PLSCR2: variants seen among roughly 807,000 people sequenced by gnomAD.
PLSCR2 encodes the protein PL scramblase 2.
In PLSCR2, 18 loss-of-function variants were observed where a neutral mutation model predicts 25.3. The observed-to-expected ratio is 0.71, with a 90% CI of 0.49 to 1.06. PLSCR2 has a LOEUF of 1.06. Ranked by LOEUF, PLSCR2 falls within the 50% of genes least tolerant of loss-of-function variation. PLSCR2 has a pLI of 0.00. For missense variants in PLSCR2, 243 were observed against 269.5 expected, an observed-to-expected ratio of 0.90 and a Z score of 0.69; for synonymous variants, 88 against 87.3, an observed-to-expected ratio of 1.01 and a Z score of -0.04.
downstream of PLSCR2, among the ~76,000 whole-genome samples, chr3:146,429,695 G>A (rs1336493882): frequency 2.6e-5 from 4 of 151,722 alleles, no homozygotes; most frequent in South Asian, 4.2e-4. Flanking sequence ...GCATGATCTC[G>A]GCTCACTGCC....
chr3:146,410,680 A>G (rs6801846), intron 2 of PLSCR2, among the ~76,000 whole-genome samples: 90,535 of 152,130 alleles, frequency 0.6, 27,164 homozygotes, highest in South Asian at 0.76. Flanking sequence ...GCAAAACCTT[A>G]ACAACCACTA....
intron 2 of PLSCR2, among the ~76,000 whole-genome samples, chr3:146,425,601 A>C (rs962053678): frequency 1.3e-4 from 20 of 152,312 alleles, no homozygotes; most frequent in African/African-American, 4.1e-4. Context: ...GGCCAGGCTG[A>C]AAGGATTCTG....
At position 146,451,107 on chromosome 3, in the gene PLSCR2, CTTTTTTTTTTTTT is replaced by C. The variant is rs58373001; in HGVS notation, c.484-1753_484-1741del. On this transcript the variant is annotated intron_variant, in intron 5 of 6. Coordinates refer to ENST00000610787, the Ensembl canonical transcript of PLSCR2. ...TCATAAGAAGTATACATTAAGTTTT[CTTTTTTTTTTTTT>C]TTTTTTTTTTTGAGACGAAGTCTTG... Among the ~76,000 whole-genome samples, 82 of 79,506 alleles carry C rather than the reference CTTTTTTTTTTTTT, an allele frequency of 1.0e-3. 1 individual carries two copies. The highest frequency in any genetic ancestry group is 2.8e-3 in the Admixed American group (16 of 5,678). 52.2% of individuals were successfully genotyped at this position (79,506 alleles called of 152,430 possible). A position where few individuals can be genotyped will look rare whatever the true frequency, so the allele number is the denominator to read the frequency against.
chr3:146,468,603 A>C (rs2041969188), intron 1 of PLSCR2, among the ~76,000 whole-genome samples: 1 of 152,100 alleles, frequency 6.6e-6, no homozygotes. Flanking sequence ...AGAACTTTAC[A>C]TTAACACACA....
At chr3:146,396,323 T>G (rs2107980363) in intron 2 of PLSCR2, among the ~76,000 whole-genome samples, 1 of 152,318 alleles carries the variant, frequency 6.6e-6, no homozygotes, top group African/African-American at 2.4e-5. Flanking sequence ...CTCATTTTTT[T>G]TTCTCTCTGT....
intron 3 of PLSCR2, among the ~76,000 whole-genome samples, chr3:146,457,745 A>C (rs111782608): frequency 4.1e-4 from 63 of 152,366 alleles, no homozygotes; most frequent in African/African-American, 1.3e-3. Flanking sequence ...GAGAGAAAAG[A>C]GCTGAAGTGG....
At chr3:146,404,817 A>C (rs866907727) in intron 2 of PLSCR2, among the ~76,000 whole-genome samples, 1,438 of 133,554 alleles carry the variant, frequency 0.011, 25 homozygotes, top group South Asian at 0.026. Context: ...GGCAAAAAAA[A>C]AAAAGGGGGG....
Position 146,458,407 on chromosome 3 carries a change from A to T in PLSCR2, c.100+4T>A, listed in dbSNP as rs760317336. 8 of 1,506,002 alleles carry T rather than the reference A, an allele frequency of 5.3e-6. No individual in the cohort carries two copies. The South Asian group carries it at 9.6e-5, about 18-fold the overall frequency. 93.3% of individuals were successfully genotyped at this position (1,506,002 alleles called of 1,614,324 possible). A position where few individuals can be genotyped will look rare whatever the true frequency, so the allele number is the denominator to read the frequency against. On this transcript the variant is annotated splice_donor_region_variant and intron_variant, in intron 3 of 6. Transcript: ENST00000610787. Reference sequence around the variant, plus strand: ...GAACTATGAGCAATACAATTAATACATACCTTCCAGAAGTTCAATTTGCTG... The same window carrying T: ...GAACTATGAGCAATACAATTAATACTTACCTTCCAGAAGTTCAATTTGCTG...
intron 3 of PLSCR2, among the ~76,000 whole-genome samples, chr3:146,457,740 A>C (rs1314048459): frequency 1.3e-5 from 2 of 152,230 alleles, no homozygotes; most frequent in Non-Finnish European, 2.9e-5. Context: ...AATTGGAGAG[A>C]AAAGAGCTGA....
At chr3:146,430,984 C>G (rs2039525067), downstream of PLSCR2, among the ~76,000 whole-genome samples, 1 of 152,192 alleles carries the variant, frequency 6.6e-6, no homozygotes, top group Non-Finnish European at 1.5e-5. Context: ...AACCACCCCA[C>G]AGTGACACAG....
intron 2 of PLSCR2, among the ~76,000 whole-genome samples, chr3:146,422,890 T>G (rs2039196326): frequency 6.6e-6 from 1 of 152,016 alleles, no homozygotes; most frequent in Non-Finnish European, 1.5e-5. Flanking sequence ...AAACCTGGTA[T>G]AATAATAGGT....
Position 146,453,959 on chromosome 3 carries a change from C to G in PLSCR2, c.483+43G>C, listed in dbSNP as rs375397714. 8.6e-5 allele frequency: 127 copies of G among 1,479,358 alleles called. 3 individuals carry two copies. In the South Asian group the frequency reaches 1.1e-3, roughly 13 times the overall value. The allele number at this position is 1,479,358 out of a possible 1,614,324, so 91.6% of individuals were successfully genotyped here. ...TAATATTCTGCAAAATTATATTCTT[C>G]TATTAAAAAAGCAAATCCTATAAAC... On this transcript the variant is annotated intron_variant, in intron 5 of 6. Coordinates refer to ENST00000610787, the Ensembl canonical transcript of PLSCR2.
chr3:146,415,893 A>C (rs2038992722), intron 2 of PLSCR2, among the ~76,000 whole-genome samples: 1 of 152,298 alleles, frequency 6.6e-6, no homozygotes, highest in South Asian at 2.1e-4. Flanking sequence ...GGTTAATGTA[A>C]GTTATATTCT....
chr3:146,414,775 A>C (rs2038958694), intron 2 of PLSCR2, among the ~76,000 whole-genome samples: 1 of 152,216 alleles, frequency 6.6e-6, no homozygotes, highest in African/African-American at 2.4e-5. Context: ...TGCTTCTATT[A>C]ACAAAATTTC....
Position 146,465,572 on chromosome 3 carries a change from CA to C in PLSCR2, c.-292-5289del, listed in dbSNP as rs11459539. ...TCTCTCCCGCCACACTCACCCTCCACAAAAAAAAAAAAAAAATCACAATATA... is the reference window on the plus strand; with the variant it reads ...TCTCTCCCGCCACACTCACCCTCCACAAAAAAAAAAAAAAATCACAATATA... On this transcript the variant is annotated intron_variant, in intron 1 of 8. Coordinates refer to the PLSCR2 transcript ENST00000336685. Among the ~76,000 whole-genome samples, 919 of 125,504 alleles carry C rather than the reference CA, an allele frequency of 7.3e-3. 6 individuals carry two copies. The highest frequency in any genetic ancestry group is 0.021 in the African/African-American group (721 of 33,646). The allele number at this position is 125,504 out of a possible 152,430, so 82.3% of individuals were successfully genotyped here.
intron 1 of PLSCR2, among the ~76,000 whole-genome samples, chr3:146,490,418 G>T (rs73865744): frequency 2.6e-5 from 4 of 151,932 alleles, no homozygotes; most frequent in Non-Finnish European, 2.9e-5. Context: ...AGCATGCCTC[G>T]TAGATCTGTT....
At chr3:146,485,236 A>G (rs144966037) in intron 1 of PLSCR2, among the ~76,000 whole-genome samples, 17 of 152,314 alleles carry the variant, frequency 1.1e-4, no homozygotes, top group African/African-American at 4.1e-4. Flanking sequence ...GATGAATTCA[A>G]CAAAAAGCAC....
chr3:146,473,285 C>T lies in PLSCR2; in HGVS notation c.-292-13001G>A, dbSNP rs1020883957. 2.7e-5 allele frequency among the ~76,000 whole-genome samples: 4 copies of T among 147,892 alleles called. No homozygotes were observed. In the Admixed American group the frequency reaches 2.7e-4, roughly 10 times the overall value. ...ATCTTCACTTTTATTGTATTATAGTCCTGAAGAAAAGTACTATCTTTTTTT... is the reference window on the plus strand; with the variant it reads ...ATCTTCACTTTTATTGTATTATAGTTCTGAAGAAAAGTACTATCTTTTTTT... On this transcript the variant is annotated intron_variant, in intron 1 of 8. Coordinates refer to the PLSCR2 transcript ENST00000336685.
intron 2 of PLSCR2, among the ~76,000 whole-genome samples, chr3:146,402,070 A>G (rs767938562): frequency 6.6e-6 from 1 of 152,026 alleles, no homozygotes; most frequent in Non-Finnish European, 1.5e-5. Context: ...TTCTGTTATT[A>G]TACAAACAAA....
Sources: gnomAD v4.1 joint callset for allele counts (sites outside exome capture counted in the v4.1 genomes callset) on GRCh38, gnomAD v4.1.1 for gene constraint, MANE v1.5 for transcripts, NCBI Gene and HGNC (gene_info 2026-07-23, HGNC 2026-07-21) for gene names.